Variants in SPAG6 observed in about 807,000 individuals in gnomAD.
SPAG6 encodes sperm-associated antigen 6.
Under a neutral mutation model 58.5 loss-of-function variants are expected in SPAG6, and 49 were observed. The observed-to-expected ratio is 0.84, with a 90% CI of 0.67 to 1.06. The LOEUF (loss-of-function observed/expected upper bound fraction) is 1.06. SPAG6 is among the 50% of genes least tolerant of loss of function. The pLI is 0.00. For synonymous variants in SPAG6, 233 were observed against 225.6 expected, an observed-to-expected ratio of 1.03 and a Z score of -0.29; for missense variants, 560 against 611.3, an observed-to-expected ratio of 0.92 and a Z score of 0.89.
intron 8 of SPAG6, among the ~76,000 whole-genome samples, chr10:22,393,742 T>G (rs946166320): frequency 6.6e-6 from 1 of 152,210 alleles, no homozygotes; most frequent in Non-Finnish European, 1.5e-5. Context: ...TTGATCATTC[T>G]TTTTTCTTTC....
Position 22,386,755 on chromosome 10 carries a change from A to G in SPAG6, c.474A>G (p.Glu158=). 1 of 1,612,878 alleles carries G rather than the reference A, an allele frequency of 6.2e-7. No individual in the cohort carries two copies. The highest frequency in any genetic ancestry group is 8.5e-7 in the Non-Finnish European group (1 of 1,178,950). The stretch of plus-strand genomic sequence containing the variant: ...TAATTACTTTTCTTGGACCCACAGA[A>G]CTGTCACAAGCTGTGGTGGATGCAG... The part of the protein sequence containing the change: ...ALRYIARHNA[E]LSQAVVDAGA... Residue 158 remains glutamate (E), a splice_region_variant and synonymous_variant, in exon 5 of 11, where the codon GAA becomes GAG. Transcript: ENST00000376624.
intron 8 of SPAG6, among the ~76,000 whole-genome samples, chr10:22,393,066 C>G (rs186070676): frequency 5.9e-5 from 9 of 152,134 alleles, no homozygotes; most frequent in African/African-American, 2.4e-5. Flanking sequence ...AAGGTCTTTT[C>G]TAGTTTAGCA....
intron 10 of SPAG6, among the ~76,000 whole-genome samples, chr10:22,416,416 C>A (rs1385921730): frequency 6.6e-6 from 1 of 152,176 alleles, no homozygotes; most frequent in Non-Finnish European, 1.5e-5. Context: ...TTTGCTACTT[C>A]TGTAGCACAG....
In SPAG6 at chr10:22,411,183, A is replaced by T. The variant is rs768072816; in HGVS notation, c.1460+7A>T. On this transcript the variant is annotated splice_region_variant and intron_variant, in intron 10 of 10. Coordinates refer to ENST00000376624, the MANE Select transcript of SPAG6 (RefSeq NM_012443.4). ...ACCCCGAGGAAATAGTGAGGTGGGG[A>T]AAATGGACTTTGAAACGTTCAATAT... 6 of 1,597,028 alleles carry T rather than the reference A, an allele frequency of 3.8e-6. No homozygotes were observed. In the East Asian group the frequency reaches 1.3e-4, roughly 36 times the overall value.
Position 22,345,602 on chromosome 10 carries a change from C to T in SPAG6, c.-10C>T, listed in dbSNP as rs1836496555. ...AGAGCTCGAGGAGGGCAGACGGCGG[C>T]GGGGGCGCCATGAGTCAGAGGCAGG... On this transcript the variant is annotated 5_prime_UTR_variant, in exon 1 of 11. Coordinates refer to ENST00000376624, the MANE Select transcript of SPAG6 (RefSeq NM_012443.4). The surrounding 1 kb of genome is among the most constrained non-coding windows in gnomAD (Gnocchi z 6.3). 1 of 1,528,888 alleles carries T rather than the reference C, an allele frequency of 6.5e-7. No homozygotes were observed. The highest frequency in any genetic ancestry group is 1.4e-5 in the African/African-American group (1 of 71,662). 94.7% of individuals were successfully genotyped at this position (1,528,888 alleles called of 1,614,324 possible). A position where few individuals can be genotyped will look rare whatever the true frequency, so the allele number is the denominator to read the frequency against.
chr10:22,363,105 T>G (rs1837089272), intron 2 of SPAG6, among the ~76,000 whole-genome samples: 1 of 152,194 alleles, frequency 6.6e-6, no homozygotes, highest in Non-Finnish European at 1.5e-5. Flanking sequence ...TCACGCAACA[T>G]TTTGGATGTA....
intron 9 of SPAG6, among the ~76,000 whole-genome samples, chr10:22,405,083 C>A (rs1834517037): frequency 6.6e-6 from 1 of 152,200 alleles, no homozygotes; most frequent in Non-Finnish European, 1.5e-5. Context: ...CGTCTGCAAA[C>A]AGGGACAGTT....
At chr10:22,413,286 C>T (rs1834787943) in intron 10 of SPAG6, among the ~76,000 whole-genome samples, 2 of 151,892 alleles carry the variant, frequency 1.3e-5, no homozygotes, top group South Asian at 4.1e-4. Context: ...GTAATCTCAG[C>T]ACTTTGGGAG....
At chr10:22,397,657 A>T (rs948794376) in intron 8 of SPAG6, among the ~76,000 whole-genome samples, 4 of 152,176 alleles carry the variant, frequency 2.6e-5, no homozygotes, top group Non-Finnish European at 5.9e-5. Flanking sequence ...AACAATTCAA[A>T]TATGAAGTTA....
rs548127136 is a variant in SPAG6 at position 22,378,000 on chromosome 10, A to G, written c.473-8754A>G. On this transcript the variant is annotated intron_variant, in intron 4 of 10. Coordinates refer to ENST00000376624, the MANE Select transcript of SPAG6 (RefSeq NM_012443.4). ...AAAAATTATTTTTGTATATTAATTA[A>G]AAAATTGTTATGTATTTACGGGGTA... Among the ~76,000 whole-genome samples, 60 of 151,556 alleles carry G rather than the reference A, an allele frequency of 4.0e-4. No individual in the cohort carries two copies. The Middle Eastern group carries it at 0.01, about 26-fold the overall frequency.
intron 9 of SPAG6, among the ~76,000 whole-genome samples, chr10:22,406,162 T>C (rs1487508742): frequency 3.3e-5 from 5 of 152,268 alleles, no homozygotes; most frequent in African/African-American, 9.6e-5. Flanking sequence ...ATTTTAGTTA[T>C]TTCTTGCCTT....
At chr10:22,370,795 T>C (rs2132057601) in intron 4 of SPAG6, among the ~76,000 whole-genome samples, 1 of 152,306 alleles carries the variant, frequency 6.6e-6, no homozygotes, top group Middle Eastern at 3.4e-3. Flanking sequence ...TTGACAAAAC[T>C]ACAGCAGGGT....
Position 22,384,995 on chromosome 10 carries a change from G to C in SPAG6, c.473-1759G>C, listed in dbSNP as rs144134191. ...TTACTCGTAGAAACTGGATATAAAA[G>C]TGAAAATACATCAAAACAAAATATT... On this transcript the variant is annotated intron_variant, in intron 4 of 10. Transcript: ENST00000376624. Among the ~76,000 whole-genome samples, 1,418 of 152,000 alleles carry C rather than the reference G, an allele frequency of 9.3e-3. 24 individuals are homozygous for C. Among genetic ancestry groups the C allele is most frequent in the African/African-American group, 0.033 (1,359 of 41,444 alleles).
chr10:22,388,104 G>A (rs2132082792), intron 6 of SPAG6, 108 bp downstream of exon 6: 2 of 878,030 alleles, frequency 2.3e-6, no homozygotes, highest in East Asian at 5.4e-5. Flanking sequence ...TGATCTAGTT[G>A]AGTCAGGATT....
At chr10:22,346,109 A>G (rs1410610940) in intron 2 of SPAG6, 19 of 1,462,022 alleles carry the variant, frequency 1.3e-5, no homozygotes, top group Non-Finnish European at 1.7e-5. Context: ...CGTGAATGGG[A>G]CTCTACCCTA....
intron 3 of SPAG6, among the ~76,000 whole-genome samples, chr10:22,367,550 T>G (rs7893841): frequency 0.056 from 8,584 of 152,188 alleles, 819 homozygotes; most frequent in African/African-American, 0.2. Flanking sequence ...TCACTTTTCA[T>G]TAGTCACTGT....
At chr10:22,390,387 C>T (rs1834159484) in intron 7 of SPAG6, among the ~76,000 whole-genome samples, 1 of 152,098 alleles carries the variant, frequency 6.6e-6, no homozygotes. Flanking sequence ...GGAGCTCTCC[C>T]CTTCTTTGGT....
At chr10:22,395,348 A>G (rs1834270560) in intron 8 of SPAG6, among the ~76,000 whole-genome samples, 1 of 152,188 alleles carries the variant, frequency 6.6e-6, no homozygotes. Context: ...ACTACCAGCA[A>G]GGTATGATGG....
In SPAG6 at chr10:22,345,904, G is replaced by T; in HGVS notation, c.121+86G>T. The T allele has an allele frequency of 6.3e-7, 1 of 1,577,568 alleles. No individual in the cohort carries two copies. Among genetic ancestry groups the T allele is most frequent in the Non-Finnish European group, 8.6e-7 (1 of 1,162,026 alleles). On this transcript the variant is annotated intron_variant, in intron 2 of 10. Coordinates refer to ENST00000376624, the MANE Select transcript of SPAG6 (RefSeq NM_012443.4). This position sits in a 1 kb window ranked among gnomAD's most constrained non-coding sequence, Gnocchi z 6.3. ...CCGCTGCCCTGCCCGTGGAGCTCTT[G>T]GGGAGCCGCAGTGTGGGGACCGGAG... is the stretch of plus-strand genomic sequence containing the variant.
Sources: gnomAD v4.1 joint callset for allele counts (sites outside exome capture counted in the v4.1 genomes callset) on GRCh38, gnomAD v4.1.1 for gene constraint, Gnocchi (gnomAD v3.1) non-coding constraint, MANE v1.5 for transcripts, NCBI Gene and HGNC (gene_info 2026-07-23, HGNC 2026-07-21) for gene names.